Variants in XPC observed in about 807,000 individuals in gnomAD.
XPC encodes XPC complex subunit, DNA damage recognition and repair factor, also known as DNA repair protein complementing XP-C cells.
A neutral mutation model predicts 95.8 loss-of-function variants in XPC; 76 were observed. That is an observed-to-expected ratio of 0.79 (90% confidence interval 0.66 to 0.96). The LOEUF (loss-of-function observed/expected upper bound fraction) is 0.96. Ranked by LOEUF, XPC falls within the 40% of genes least tolerant of loss-of-function variation. The pLI, the probability that XPC is intolerant of heterozygous loss-of-function variation, is 0.00. For synonymous variants in XPC, 442 were observed against 442.1 expected (o/e 1.00, Z 0.00); for missense variants, 1,146 against 1,179.8 (o/e 0.97, Z 0.42).
At chr3:14,154,103 C>G (rs529003310) in intron 10 of XPC, among the ~76,000 whole-genome samples, 4 of 152,268 alleles carry the variant, frequency 2.6e-5, no homozygotes, top group African/African-American at 9.6e-5. Flanking sequence ...CATTTCACAC[C>G]CGTTAAAATG....
At position 14,148,819 on chromosome 3, in the gene XPC, C is replaced by A; in HGVS notation, c.2245G>T (p.Gly749Trp). 1 of 1,613,954 alleles carries A rather than the reference C, an allele frequency of 6.2e-7. No individual in the cohort carries two copies. Among genetic ancestry groups the A allele is most frequent in the Non-Finnish European group, 8.5e-7 (1 of 1,179,840 alleles). ...EEYQPPVAVD[G>W]KVPRNEFGNV... ...CCTTCTGATGCTGCCCTTACCTTCC[C>A]GTCCACGGCCACTGGGGGCTGATAC... is the stretch of plus-strand genomic sequence containing the variant. The change falls in exon 12 of 16, where the codon GGG (glycine) becomes TGG (tryptophan). Residue 749 changes from glycine (G) to tryptophan (W), a missense_variant. Coordinates refer to ENST00000285021, the MANE Select transcript of XPC (RefSeq NM_004628.5).
At chr3:14,169,432 A>G (rs1452976746) in intron 3 of XPC, among the ~76,000 whole-genome samples, 1 of 152,376 alleles carries the variant, frequency 6.6e-6, no homozygotes. Flanking sequence ...GACAGTCTAC[A>G]AAACAAAAGA....
intron 7 of XPC, among the ~76,000 whole-genome samples, chr3:14,162,418 G>T (rs944374047): frequency 1.3e-5 from 2 of 152,164 alleles, no homozygotes; most frequent in Admixed American, 6.5e-5. Flanking sequence ...TGTTGTACTG[G>T]CGTAAGAACA....
In XPC at chr3:14,145,691, G is replaced by GGCTT. The variant is rs764362500; in HGVS notation, c.*246_*249dup. 4.3e-6 allele frequency: 3 copies of GGCTT among 699,902 alleles called. No individual in the cohort carries two copies. The African/African-American group carries it at 5.2e-5, about 12-fold the overall frequency. The allele number at this position is 699,902 out of a possible 1,614,324, so 43.4% of individuals were successfully genotyped here. A position where few individuals can be genotyped will look rare whatever the true frequency, so the allele number is the denominator to read the frequency against. On this transcript the variant is annotated 3_prime_UTR_variant, in exon 16 of 16. Transcript: ENST00000285021. ...TGTTCTGTAGCTCAAAGGGTGAGTG[G>GGCTT]GCTTTGGTAGCAAAAAGCTTTGAAG...
chr3:14,162,615 T>C (rs1237822720), intron 7 of XPC, among the ~76,000 whole-genome samples: 1 of 152,184 alleles, frequency 6.6e-6, no homozygotes, highest in African/African-American at 2.4e-5. Context: ...CTACCTGATA[T>C]ATGCAAATAT....
rs558014081 is a variant in XPC, at chr3:14,166,670, C to T, written c.621+499G>A. On this transcript the variant is annotated intron_variant, in intron 5 of 15. Transcript: ENST00000285021. Reference sequence around the variant, plus strand: ...AGCCTTCCCCAGCTCCACAGAGCCACGCTGATCTCTTTCACTGTTCCAGGC... The same window carrying T: ...AGCCTTCCCCAGCTCCACAGAGCCATGCTGATCTCTTTCACTGTTCCAGGC... Among the ~76,000 whole-genome samples, 8 of 152,296 alleles carry T rather than the reference C, an allele frequency of 5.3e-5. No individual in the cohort carries two copies. In the South Asian group the frequency reaches 1.7e-3, roughly 32 times the overall value.
chr3:14,158,526 A>C lies in XPC; in HGVS notation c.1357T>G (p.Ser453Ala). ...SDFELSSGEA[S>A]DPSDEDSEPG... ...TCGGAATCCTCATCAGAGGGATCAG[A>C]GGCTTCTCCACTGGAGAGCTCAAAA... The change falls in exon 9 of 16, where the codon TCT becomes GCT. Residue 453 changes from serine (S) to alanine (A), a missense_variant. Ser to Ala is a moderately conservative substitution (Grantham distance 99). Coordinates refer to ENST00000285021, the MANE Select transcript of XPC (RefSeq NM_004628.5). This position sits in a 1 kb window ranked among gnomAD's most constrained non-coding sequence, Gnocchi z 5.2. 1.2e-6 allele frequency: 2 copies of C among 1,612,912 alleles called. No homozygotes were observed. Among genetic ancestry groups the C allele is most frequent in the South Asian group, 1.1e-5 (1 of 91,060 alleles).
chr3:14,147,951 G>T lies in XPC; in HGVS notation c.2471C>A (p.Ala824Asp). 1 of 1,603,058 alleles carries T rather than the reference G, an allele frequency of 6.2e-7. No homozygotes were observed. The highest frequency in any genetic ancestry group is 8.5e-7 in the Non-Finnish European group (1 of 1,174,452). ...CEEFKDVLLT[A>D]WENEQAVIER... ...AATGACTGCCTGCTCATTTTCCCAG[G>T]CAGTCAGGAGCACGTCTTTGAATTC... Residue 824 changes from alanine to aspartate, a missense_variant, in exon 14 of 16, where the codon GCC becomes GAC. By Grantham distance (126) the Ala-to-Asp change is moderately radical. Coordinates refer to ENST00000285021, the MANE Select transcript of XPC (RefSeq NM_004628.5).
Position 14,152,426 on chromosome 3 carries a change from C to T in XPC, c.2034-10G>A. On this transcript the variant is annotated splice_polypyrimidine_tract_variant and intron_variant, in intron 10 of 15. Transcript: ENST00000285021. ...AGTGTGCACACAATCCCTGTGGAACCAACACAGGACACAAAGGTAACTCAG... is the reference window on the plus strand; with the variant it reads ...AGTGTGCACACAATCCCTGTGGAACTAACACAGGACACAAAGGTAACTCAG... 6.2e-7 allele frequency: 1 copy of T among 1,606,074 alleles called. No homozygotes were observed. Among genetic ancestry groups the T allele is most frequent in the Non-Finnish European group, 8.5e-7 (1 of 1,176,140 alleles).
chr3:14,174,295 C>A (rs889135774), intron 1 of XPC, among the ~76,000 whole-genome samples: 2 of 149,434 alleles, frequency 1.3e-5, no homozygotes, highest in African/African-American at 4.8e-5. Context: ...ATTGCCTACT[C>A]CAAGGCCAGA....
chr3:14,173,332 C>T (rs1696689848), intron 1 of XPC, among the ~76,000 whole-genome samples: 1 of 152,244 alleles, frequency 6.6e-6, no homozygotes, highest in Non-Finnish European at 1.5e-5. Flanking sequence ...TAAAACCTAA[C>T]TTCCAGATCT....
intron 7 of XPC, among the ~76,000 whole-genome samples, chr3:14,164,079 G>A (rs1323453131): frequency 6.6e-6 from 1 of 152,080 alleles, no homozygotes; most frequent in Non-Finnish European, 1.5e-5. Flanking sequence ...CAAAAAAATT[G>A]GCAGCACATT....
intron 7 of XPC, among the ~76,000 whole-genome samples, chr3:14,163,574 G>C (rs1256019302): frequency 6.6e-6 from 1 of 152,138 alleles, no homozygotes; most frequent in Non-Finnish European, 1.5e-5. Flanking sequence ...AAGACAGATT[G>C]GTGGTTGCCA....
Position 14,145,923 on chromosome 3 carries a change from C to T in XPC, c.*18G>A. ...GGGCAGCAGCAACTGGTGGGTGCCCCTCTAGTGGGCGCTCAGCTCACAGCT... is the reference window on the plus strand; with the variant it reads ...GGGCAGCAGCAACTGGTGGGTGCCCTTCTAGTGGGCGCTCAGCTCACAGCT... On this transcript the variant is annotated 3_prime_UTR_variant, in exon 16 of 16. Transcript: ENST00000285021. 3 of 1,596,976 alleles carry T rather than the reference C, an allele frequency of 1.9e-6. No individual in the cohort carries two copies. The highest frequency in any genetic ancestry group is 2.6e-6 in the Non-Finnish European group (3 of 1,167,968).
Position 14,168,415 on chromosome 3 carries a change from A to G in XPC, c.413-35T>C, listed in dbSNP as rs548744459. The G allele has an allele frequency of 9.9e-6, 16 of 1,610,500 alleles. No individual in the cohort carries two copies. In the East Asian group the frequency reaches 3.3e-4, roughly 34 times the overall value. On this transcript the variant is annotated intron_variant, in intron 3 of 15. Coordinates refer to ENST00000285021, the MANE Select transcript of XPC (RefSeq NM_004628.5). ...AGCATTTTTAAAAATCAGTAATAGTAATAACAATAATAATAGCTACTGTAC... is the reference window on the plus strand; with the variant it reads ...AGCATTTTTAAAAATCAGTAATAGTGATAACAATAATAATAGCTACTGTAC...
intron 9 of XPC, 67 bp downstream of exon 9, chr3:14,157,944 G>A: frequency 6.6e-7 from 1 of 1,524,144 alleles, no homozygotes; most frequent in Non-Finnish European, 8.8e-7. Context: ...TATATAAGGT[G>A]CTCAAAAACA....
intron 5 of XPC, 158 bp from the exon 6 acceptor site, chr3:14,165,743 C>A: frequency 1.2e-6 from 1 of 805,780 alleles, no homozygotes; most frequent in Non-Finnish European, 1.9e-6. Flanking sequence ...ACTTCCCAAG[C>A]TTGTCTTTGA....
chr3:14,178,238 G>C, intron 1 of XPC: 1 of 535,950 alleles, frequency 1.9e-6, no homozygotes, highest in Non-Finnish European at 3.2e-6. Context: ...AAAAAGCTAC[G>C]CAGGAGCTTG....
In XPC at chr3:14,178,544, C is replaced by G. The variant is rs1696940567; in HGVS notation, c.25G>C (p.Gly9Arg). MARKRAAG[G>R]EPRGRELRSQ... is the part of the protein sequence containing the mutation. ...CGCAGTTCGCGTCCCCGCGGCTCCC[C>G]GCCGGCCGCGCGTTTCCGAGCCATG... Residue 9 changes from glycine (G) to arginine (R), a missense_variant, in exon 1 of 16, where the codon GGG (glycine) becomes CGG (arginine). By Grantham distance (125) the Gly-to-Arg change is moderately radical. Coordinates refer to ENST00000285021, the MANE Select transcript of XPC (RefSeq NM_004628.5). The G allele has an allele frequency of 6.2e-7, 1 of 1,612,954 alleles. No homozygotes were observed. The highest frequency in any genetic ancestry group is 1.7e-5 in the Admixed American group (1 of 59,974).
Sources: allele counts gnomAD v4.1 joint callset (sites outside exome capture counted in the v4.1 genomes callset), GRCh38; gene constraint gnomAD v4.1.1; non-coding constraint Gnocchi (gnomAD v3.1); transcripts MANE v1.5; gene names NCBI Gene and HGNC (gene_info 2026-07-23, HGNC 2026-07-21).